SUSD4: variants seen among roughly 807,000 people sequenced by gnomAD.
SUSD4 encodes the protein sushi domain containing 4, also known as sushi domain-containing protein 4.
Under a neutral mutation model 50.5 loss-of-function variants are expected in SUSD4, and 41 were observed. That is an observed-to-expected ratio of 0.81 (90% confidence interval 0.63 to 1.05). SUSD4 has a LOEUF of 1.05. Ranked by LOEUF, SUSD4 falls within the 50% of genes least tolerant of loss-of-function variation. The pLI is 0.00. For missense variants in SUSD4, 580 were observed against 634.7 expected (o/e 0.91, Z 0.93); for synonymous variants, 257 against 257.3 (o/e 1.00, Z 0.01).
At chr1:223,354,481 C>T (rs1173822626) in intron 2 of SUSD4, among the ~76,000 whole-genome samples, 1 of 152,096 alleles carries the variant, frequency 6.6e-6, no homozygotes, top group Non-Finnish European at 1.5e-5. Flanking sequence ...CAATTCAGAC[C>T]ATATCGTTCT....
In SUSD4 at chr1:223,286,118, G is replaced by GT. The variant is rs906442261; in HGVS notation, c.361+6320dup. On this transcript the variant is annotated intron_variant, in intron 3 of 8. Coordinates refer to ENST00000366878, the MANE Select transcript of SUSD4 (RefSeq NM_017982.4). ...CACCACCATGCCTGGCTAATTTTTTGTTTTTTTGTTTTTTTGAGATGGAGT... is the reference window on the plus strand; with the variant it reads ...CACCACCATGCCTGGCTAATTTTTTGTTTTTTTTGTTTTTTTGAGATGGAGT... 5.3e-5 allele frequency among the ~76,000 whole-genome samples: 8 copies of GT among 152,122 alleles called. No individual in the cohort carries two copies. In the South Asian group the frequency reaches 1.5e-3, roughly 28 times the overall value.
chr1:223,349,362 G>A (rs1668227243), intron 2 of SUSD4, among the ~76,000 whole-genome samples: 2 of 152,078 alleles, frequency 1.3e-5, no homozygotes, highest in Non-Finnish European at 2.9e-5. Context: ...CCTAAACCAG[G>A]GTGGGCTCAG....
chr1:223,343,272 G>A (rs190180049), intron 2 of SUSD4, among the ~76,000 whole-genome samples: 123 of 152,134 alleles, frequency 8.1e-4, no homozygotes, highest in Non-Finnish European at 1.5e-3. Flanking sequence ...TGAGCACCCC[G>A]CCCAGCTGGA....
chr1:223,295,263 G>A (rs1664747389), intron 2 of SUSD4, among the ~76,000 whole-genome samples: 1 of 152,116 alleles, frequency 6.6e-6, no homozygotes, highest in African/African-American at 2.4e-5. Context: ...CTATTGAGGT[G>A]GAAACATTAG....
chr1:223,250,997 T>A (rs754367486), intron 5 of SUSD4, among the ~76,000 whole-genome samples: 1 of 152,114 alleles, frequency 6.6e-6, no homozygotes, highest in Non-Finnish European at 1.5e-5. Flanking sequence ...GAATTGGGTA[T>A]CCCCCAGATT....
chr1:223,224,994 C>G (rs552582101), intron 7 of SUSD4, among the ~76,000 whole-genome samples: 1 of 151,372 alleles, frequency 6.6e-6, no homozygotes, highest in African/African-American at 2.4e-5. Flanking sequence ...CTCAGCCTCC[C>G]GAGTAGCTGG....
chr1:223,233,034 G>A (rs540302672), intron 5 of SUSD4, among the ~76,000 whole-genome samples: 1 of 152,256 alleles, frequency 6.6e-6, no homozygotes, highest in East Asian at 1.9e-4. Flanking sequence ...TCCCGTACTG[G>A]GGCACTACCA....
At chr1:223,328,606 G>A (rs1050558029) in intron 2 of SUSD4, among the ~76,000 whole-genome samples, 6 of 152,152 alleles carry the variant, frequency 3.9e-5, no homozygotes, top group East Asian at 1.9e-4. Context: ...GACAATGCTC[G>A]CTGTTGCCTC....
At chr1:223,268,763 C>T (rs1662703587) in intron 3 of SUSD4, 88 bp from the exon 4 acceptor site, 1 of 1,406,856 alleles carries the variant, frequency 7.1e-7, no homozygotes, top group Non-Finnish European at 9.7e-7. Flanking sequence ...TATTTTCAGA[C>T]TTGGTCTCAA....
intron 2 of SUSD4, among the ~76,000 whole-genome samples, chr1:223,361,828 A>G (rs1259559431): frequency 6.6e-6 from 1 of 152,244 alleles, no homozygotes; most frequent in Non-Finnish European, 1.5e-5. Flanking sequence ...GAAATGATCC[A>G]GATCCACGCA....
intron 2 of SUSD4, among the ~76,000 whole-genome samples, chr1:223,339,357 G>A (rs188214642): frequency 6.6e-6 from 1 of 152,294 alleles, no homozygotes; most frequent in East Asian, 1.9e-4. Context: ...CTCAGCTGTG[G>A]AGGGAGGAAA....
intron 5 of SUSD4, among the ~76,000 whole-genome samples, chr1:223,238,551 C>A (rs1424624250): frequency 1.3e-5 from 2 of 151,942 alleles, no homozygotes; most frequent in Non-Finnish European, 2.9e-5. Context: ...GTTTTCATTT[C>A]ATTTAGTTAA....
chr1:223,268,570 G>C lies in SUSD4; in HGVS notation c.467C>G (p.Pro156Arg), dbSNP rs1662685677. ...TCHEGFKIRY[P>R]DLHNMVSLCR... ...TAATGAAACCATATTGTGTAGGTCGGGGTACCGGATCTTGAATCCTTCATG... is the reference window on the plus strand; with the variant it reads ...TAATGAAACCATATTGTGTAGGTCGCGGTACCGGATCTTGAATCCTTCATG... The change falls in exon 4 of 9, where the codon CCC becomes CGC. Residue 156 changes from proline to arginine, a missense_variant. Physicochemically the swap from Pro to Arg is moderately radical, Grantham distance 103. Transcript: ENST00000366878. 6.2e-7 allele frequency: 1 copy of C among 1,609,430 alleles called. No homozygotes were observed. Among genetic ancestry groups the C allele is most frequent in the Admixed American group, 1.7e-5 (1 of 59,532 alleles).
In SUSD4 at chr1:223,351,888, C is replaced by T. The variant is rs551958581; in HGVS notation, c.148+11390G>A. ...GGGCTGGTACAGTCTTTTGCATTTC[C>T]ATGGACGTTAGCTTAGGCTACATCA... On this transcript the variant is annotated intron_variant, in intron 2 of 8. Coordinates refer to ENST00000366878, the MANE Select transcript of SUSD4 (RefSeq NM_017982.4). 5.3e-5 allele frequency among the ~76,000 whole-genome samples: 8 copies of T among 151,978 alleles called. No homozygotes were observed. In the East Asian group the frequency reaches 1.4e-3, roughly 26 times the overall value.
At chr1:223,331,169 T>C (rs1204212168) in intron 2 of SUSD4, among the ~76,000 whole-genome samples, 3 of 152,212 alleles carry the variant, frequency 2.0e-5, no homozygotes, top group Admixed American at 6.5e-5. Flanking sequence ...AGATTCCTAC[T>C]ATTTTTGCTG....
At chr1:223,292,160 C>T (rs1664531566) in intron 3 of SUSD4, among the ~76,000 whole-genome samples, 1 of 152,128 alleles carries the variant, frequency 6.6e-6, no homozygotes, top group Admixed American at 6.5e-5. Flanking sequence ...TAATAAATAC[C>T]CGTAATGTTA....
chr1:223,336,748 C>T (rs1050372279), intron 2 of SUSD4, among the ~76,000 whole-genome samples: 2 of 151,912 alleles, frequency 1.3e-5, no homozygotes, highest in African/African-American at 2.4e-5. Context: ...GCTGATGTTC[C>T]AAGTGTGCTT....
At chr1:223,335,224 C>A (rs1191276333) in intron 2 of SUSD4, among the ~76,000 whole-genome samples, 2 of 152,126 alleles carry the variant, frequency 1.3e-5, no homozygotes, top group African/African-American at 4.8e-5. Context: ...TTCTTTTCCT[C>A]TGGGTAGATA....
chr1:223,318,714 A>T (rs1253324135), intron 2 of SUSD4, among the ~76,000 whole-genome samples: 1 of 151,510 alleles, frequency 6.6e-6, no homozygotes, highest in Non-Finnish European at 1.5e-5. Context: ...TGTTTGTGAA[A>T]ATGGCCATAC....
Sources: gnomAD v4.1 joint callset for allele counts (sites outside exome capture counted in the v4.1 genomes callset) on GRCh38, gnomAD v4.1.1 for gene constraint, MANE v1.5 for transcripts, NCBI Gene and HGNC (gene_info 2026-07-23, HGNC 2026-07-21) for gene names.